Variants in PTPRQ observed in about 807,000 individuals in gnomAD.
PTPRQ encodes phosphatidylinositol phosphatase PTPRQ.
PTPRQ carries 199 observed loss-of-function variants against 246.0 expected under a neutral mutation model. That is an observed-to-expected ratio of 0.81 (90% confidence interval 0.72 to 0.91). The LOEUF is 0.91. PTPRQ is among the 40% of genes least tolerant of loss of function. The pLI is 0.00. For synonymous variants in PTPRQ, 869 were observed against 853.2 expected, an observed-to-expected ratio of 1.02 and a Z score of -0.32; for missense variants, 2,624 against 2,528.4, an observed-to-expected ratio of 1.04 and a Z score of -0.81.
intron 22 of PTPRQ, 69 bp downstream of exon 22, chr12:80,542,433 C>T (rs1246846235): frequency 2.0e-6 from 3 of 1,492,036 alleles, no homozygotes; most frequent in Admixed American, 2.8e-5. Flanking sequence ...TTTTAAGGAA[C>T]AGCATGGAAT....
At chr12:80,575,531 A>G (rs189735936) in intron 25 of PTPRQ, among the ~76,000 whole-genome samples, 5 of 152,078 alleles carry the variant, frequency 3.3e-5, no homozygotes, top group Non-Finnish European at 7.4e-5. Context: ...ACACTGAGCT[A>G]TGAAGGTACC....
intron 26 of PTPRQ, among the ~76,000 whole-genome samples, chr12:80,593,272 C>T (rs1452839311): frequency 1.3e-5 from 2 of 151,886 alleles, no homozygotes; most frequent in African/African-American, 4.8e-5. Context: ...TTGAGTAACT[C>T]CAATAAAAGA....
rs117686664 is a variant in PTPRQ at position 80,556,252 on chromosome 12, C to G, written c.4285+6518C>G. On this transcript the variant is annotated intron_variant, in intron 25 of 44. Coordinates refer to ENST00000644991, the MANE Select transcript of PTPRQ (RefSeq NM_001145026.2). Reference sequence around the variant, plus strand: ...CCATGTTGGCTAAGATGGTTTCGAACTCCTGACCTCAGGTGATCTGCTCAC... The same window carrying G: ...CCATGTTGGCTAAGATGGTTTCGAAGTCCTGACCTCAGGTGATCTGCTCAC... Among the ~76,000 whole-genome samples, 1,478 of 152,278 alleles carry G rather than the reference C, an allele frequency of 9.7e-3. 35 individuals carry two copies. Among genetic ancestry groups the G allele is most frequent in the South Asian group, 0.07 (337 of 4,826 alleles).
chr12:80,484,209 G>A lies in PTPRQ; in HGVS notation c.1187-224G>A, dbSNP rs144028198. Among the ~76,000 whole-genome samples, 10 of 152,060 alleles carry A rather than the reference G, an allele frequency of 6.6e-5. No individual in the cohort carries two copies. The East Asian group carries it at 1.9e-3, about 29-fold the overall frequency. On this transcript the variant is annotated intron_variant, in intron 8 of 44. Coordinates refer to ENST00000644991, the MANE Select transcript of PTPRQ (RefSeq NM_001145026.2). ...TTTAGTAGAGATGGGGTTTCACCAT[G>A]TTGGTCAGGCTGGTCTCGAACTCCT...
intron 16 of PTPRQ, among the ~76,000 whole-genome samples, chr12:80,509,942 C>A (rs1449322418): frequency 6.6e-6 from 1 of 151,816 alleles, no homozygotes; most frequent in African/African-American, 2.4e-5. Flanking sequence ...ATTTTTTTCC[C>A]ACCTCTTTTT....
intron 38 of PTPRQ, among the ~76,000 whole-genome samples, chr12:80,654,019 T>TTTCTTTC (rs1565843331): frequency 2.4e-4 from 36 of 151,846 alleles, no homozygotes; most frequent in African/African-American, 8.2e-4. Context: ...TTCTTTCTTT[T>TTTCTTTC]TTTCTTTCTT....
intron 33 of PTPRQ, among the ~76,000 whole-genome samples, chr12:80,624,017 T>G (rs1041924516): frequency 2.0e-5 from 3 of 152,156 alleles, no homozygotes; most frequent in Admixed American, 1.3e-4. Context: ...GTCAAGGTGG[T>G]GGAATACAAC....
At chr12:80,540,471 GT>G (rs890216351) in intron 20 of PTPRQ, among the ~76,000 whole-genome samples, 4 of 152,076 alleles carry the variant, frequency 2.6e-5, no homozygotes, top group Admixed American at 6.6e-5. Flanking sequence ...AGATCTTGAT[GT>G]TTTTTATGTT....
chr12:80,467,972 C>T (rs925772447), intron 6 of PTPRQ, among the ~76,000 whole-genome samples: 4 of 151,960 alleles, frequency 2.6e-5, no homozygotes, highest in Non-Finnish European at 4.4e-5. Flanking sequence ...CTAACCTGCA[C>T]GTTGTGCACA....
At chr12:80,465,086 A>G (rs1325098255) in intron 6 of PTPRQ, 1 of 129,624 alleles carries the variant, frequency 7.7e-6, no homozygotes, top group Admixed American at 8.3e-5. Flanking sequence ...TGAAAGGATC[A>G]ACAAAATTGA....
At chr12:80,534,817 A>G (rs1031419466) in intron 18 of PTPRQ, 75 bp from the exon 19 acceptor site, 19 of 1,450,762 alleles carry the variant, frequency 1.3e-5, no homozygotes, top group Middle Eastern at 1.8e-4. Context: ...TATAAACTGT[A>G]GGTAAAATTC....
Position 80,459,391 on chromosome 12 carries a change from A to G in PTPRQ, c.568A>G (p.Ile190Val), listed in dbSNP as rs1223164481. 2 of 398,378 alleles carry G rather than the reference A, an allele frequency of 5.0e-6. No homozygotes were observed. The highest frequency in any genetic ancestry group is 1.3e-4 in the South Asian group (1 of 7,866). 24.7% of individuals were successfully genotyped at this position (398,378 alleles called of 1,614,324 possible). ...QPNGKITSFK[I>V]SVKHARSGIV... ...AAATGGCAAAATTACCAGCTTCAAG[A>G]TTAGTGTCAAGCATGCCAGAAGTGG... The change falls in exon 5 of 45, where the codon ATT becomes GTT. Residue 190 changes from isoleucine (I) to valine (V), a missense_variant. Physicochemically the swap from Ile to Val is conservative, Grantham distance 29. Transcript: ENST00000644991.
chr12:80,461,045 T>C, intron 6 of PTPRQ, 143 bp downstream of exon 6: 1 of 386,662 alleles, frequency 2.6e-6, no homozygotes, highest in Non-Finnish European at 4.6e-6. Flanking sequence ...CATCAAGGGT[T>C]TCTTCGAATT....
rs537688837 is a variant in PTPRQ at position 80,481,256 on chromosome 12, A to C, written c.1187-3177A>C. On this transcript the variant is annotated intron_variant, in intron 8 of 44. Transcript: ENST00000644991. ...AATAAACATAATCCAGCATATAAAC[A>C]GAACCAAAGACAAAAATCACATGAT... 3.8e-3 allele frequency among the ~76,000 whole-genome samples: 583 copies of C among 152,364 alleles called. 4 individuals carry two copies. Among genetic ancestry groups the C allele is most frequent in the Middle Eastern group, 0.017 (5 of 294 alleles).
At chr12:80,621,516 G>C (rs1462918351) in intron 32 of PTPRQ, among the ~76,000 whole-genome samples, 1 of 151,814 alleles carries the variant, frequency 6.6e-6, no homozygotes, top group Non-Finnish European at 1.5e-5. Flanking sequence ...TTTTAAGCTT[G>C]ATCTTCTTCT....
chr12:80,525,882 C>T (rs1010553428), intron 17 of PTPRQ: 7 of 152,056 alleles, frequency 4.6e-5, no homozygotes, highest in Non-Finnish European at 7.4e-5. Flanking sequence ...CTATAATTCT[C>T]ATAACATTTG....
At chr12:80,556,099 C>G (rs772766286) in intron 25 of PTPRQ, among the ~76,000 whole-genome samples, 1 of 152,128 alleles carries the variant, frequency 6.6e-6, no homozygotes, top group Non-Finnish European at 1.5e-5. Flanking sequence ...ACAATCTCAG[C>G]TCACTGCAAC....
chr12:80,489,950 C>T (rs1894393187), intron 9 of PTPRQ, among the ~76,000 whole-genome samples: 1 of 137,544 alleles, frequency 7.3e-6, no homozygotes, highest in African/African-American at 2.5e-5. Flanking sequence ...CCAACATATT[C>T]CTTGAGAATA....
rs543981704 is a variant in PTPRQ, at chr12:80,620,156, C to T, written c.5392C>T (p.Gln1798Ter). ...VQVLVTETGA[Q>*]HDGNVTKWYD... is the part of the protein sequence containing the mutation. The stretch of plus-strand genomic sequence containing the variant: ...GTTCTCTTTGTTTCTGAAAACAGCT[C>T]AGCATGATGGAAATGTAACAAAGTG... Residue 1798 changes from glutamine (Q) to a stop codon, truncating the protein, a stop_gained and splice_region_variant, in exon 32 of 45, where the codon CAG (glutamine) becomes TAG (stop). Transcript: ENST00000644991. LOFTEE classifies it high-confidence loss of function. The T allele has an allele frequency of 3.2e-6, 5 of 1,542,506 alleles. No individual in the cohort carries two copies. The highest frequency in any genetic ancestry group is 2.8e-5 in the African/African-American group (2 of 72,600).
Sources: allele counts gnomAD v4.1 joint callset (sites outside exome capture counted in the v4.1 genomes callset), GRCh38; gene constraint gnomAD v4.1.1; transcripts MANE v1.5; gene names NCBI Gene and HGNC (gene_info 2026-07-23, HGNC 2026-07-21).